RRM1: variants seen among roughly 807,000 people sequenced by gnomAD.
RRM1 encodes ribonucleoside-diphosphate reductase large subunit.
RRM1 carries 19 observed loss-of-function variants against 101.5 expected under a neutral mutation model. The observed-to-expected ratio is 0.19, with a 90% confidence interval of 0.13 to 0.27. RRM1 has a LOEUF of 0.27. Among genes scored for constraint, RRM1 ranks in the 10% least tolerant of loss-of-function variants. The pLI is 1.00. For synonymous variants in RRM1, 298 were observed against 323.4 expected (o/e 0.92, Z 0.84); for missense variants, 500 against 962.9 (o/e 0.52, Z 6.36).
chr11:4,127,969 CAG>C (rs1162589653), intron 14 of RRM1, among the ~76,000 whole-genome samples: 11 of 152,190 alleles, frequency 7.2e-5, no homozygotes, highest in Admixed American at 1.3e-4. Flanking sequence ...GTCTGAGACA[CAG>C]AGTTCTCTTC....
intron 1 of RRM1, among the ~76,000 whole-genome samples, chr11:4,095,531 C>G (rs1256849123): frequency 6.6e-6 from 1 of 152,162 alleles, no homozygotes; most frequent in African/African-American, 2.4e-5. Flanking sequence ...GCCTCTCTAC[C>G]CTCCGTAGGC....
chr11:4,095,040 G>A lies in RRM1; in HGVS notation c.19+9G>A. ...GCATGTGATCAAGCGAGGTGAGGGG[G>A]GGACGAGGTGGGCGAGAAGGAAGGT... On this transcript the variant is annotated intron_variant, in intron 1 of 18. Transcript: ENST00000300738. 4 of 1,568,470 alleles carry A rather than the reference G, an allele frequency of 2.6e-6. No homozygotes were observed. Among genetic ancestry groups the A allele is most frequent in the Non-Finnish European group, 3.5e-6 (4 of 1,156,976 alleles).
At chr11:4,118,220 C>CTTTTTTTTTTTTTTT (rs34182882) in intron 7 of RRM1, 100 bp from the exon 8 acceptor site, 1 of 842,592 alleles carries the variant, frequency 1.2e-6, no homozygotes, top group Non-Finnish European at 1.7e-6. Flanking sequence ...AACTTCAACT[C>CTTTTTTTTTTTTTTT]TTTTTTTTTT....
intron 12 of RRM1, 100 bp from the exon 13 acceptor site, chr11:4,126,584 A>G: frequency 9.3e-7 from 1 of 1,080,042 alleles, no homozygotes; most frequent in Non-Finnish European, 1.3e-6. Flanking sequence ...AAAATTTAAA[A>G]TTTTAATGTC....
chr11:4,101,555 CCA>C, intron 1 of RRM1, among the ~76,000 whole-genome samples: 1 of 31,154 alleles, frequency 3.2e-5, no homozygotes, highest in East Asian at 1.2e-3. Flanking sequence ...CTCCAGTGAT[CCA>C]CACCCCCCCC....
chr11:4,102,007 C>T lies in RRM1; in HGVS notation c.34C>T (p.Arg12Ter). 3 of 1,593,434 alleles carry T rather than the reference C, an allele frequency of 1.9e-6. No individual in the cohort carries two copies. The highest frequency in any genetic ancestry group is 1.7e-6 in the Non-Finnish European group (2 of 1,163,722). ...TGATTCTTTAGATGGCCGCCAAGAA[C>T]GAGTCATGTTTGACAAAATTACATC... is the stretch of plus-strand genomic sequence containing the variant. Reference protein sequence around the residue: ...HVIKRDGRQERVMFDKITSRI... With the variant: ...HVIKRDGRQE The change falls in exon 2 of 19, where the codon CGA (arginine) becomes TGA (stop). Residue 12 changes from arginine (R) to a stop codon, truncating the protein, a stop_gained. Coordinates refer to ENST00000300738, the MANE Select transcript of RRM1 (RefSeq NM_001033.5). LOFTEE classifies it high-confidence loss of function.
intron 7 of RRM1, among the ~76,000 whole-genome samples, chr11:4,115,665 T>A (rs756698390): frequency 1.3e-3 from 203 of 152,230 alleles, no homozygotes; most frequent in Non-Finnish European, 2.4e-3. Context: ...CAAGCAATTC[T>A]CCTGCCTCAG....
chr11:4,112,281 G>A (rs2094566634), intron 7 of RRM1, among the ~76,000 whole-genome samples: 1 of 152,164 alleles, frequency 6.6e-6, no homozygotes, highest in Non-Finnish European at 1.5e-5. Context: ...TTGTGGTGAT[G>A]GTTACACAAG....
At chr11:4,123,471 G>A in intron 12 of RRM1, 87 bp downstream of exon 12, 3 of 1,058,768 alleles carry the variant, frequency 2.8e-6, no homozygotes, top group Non-Finnish European at 4.4e-6. Flanking sequence ...TTTCACTTGA[G>A]ATAAGTGAAG....
intron 1 of RRM1, among the ~76,000 whole-genome samples, chr11:4,098,511 A>G (rs1181339566): frequency 6.6e-6 from 1 of 151,624 alleles, no homozygotes; most frequent in Non-Finnish European, 1.5e-5. Flanking sequence ...GATTGCAGTG[A>G]TGAGTAGGCA....
At chr11:4,122,016 T>C in intron 10 of RRM1, 125 bp from the exon 11 acceptor site, 1 of 789,854 alleles carries the variant, frequency 1.3e-6, no homozygotes, top group South Asian at 2.1e-5. Context: ...AACCTGAAAA[T>C]GATTATTTCT....
intron 7 of RRM1, among the ~76,000 whole-genome samples, chr11:4,113,374 AAAAAG>A (rs1304075230): frequency 2.0e-5 from 3 of 152,216 alleles, no homozygotes; most frequent in East Asian, 1.9e-4. Context: ...GTAAAATAAG[AAAAAG>A]AAAAGATTGG....
rs1010812256 is a variant in RRM1, at chr11:4,138,457, T to G, written c.*74T>G. The G allele has an allele frequency of 2.5e-6, 3 of 1,189,322 alleles. No individual in the cohort carries two copies. In the African/African-American group the frequency reaches 4.6e-5, roughly 18 times the overall value. 73.7% of individuals were successfully genotyped at this position (1,189,322 alleles called of 1,614,324 possible). Reference sequence around the variant, plus strand: ...TTGAGCATAGATAGGTATAGTGGGTTTGCTTGAGGTGGTAAGGCTTTGCTG... The same window carrying G: ...TTGAGCATAGATAGGTATAGTGGGTGTGCTTGAGGTGGTAAGGCTTTGCTG... On this transcript the variant is annotated 3_prime_UTR_variant, in exon 19 of 19. Coordinates refer to ENST00000300738, the MANE Select transcript of RRM1 (RefSeq NM_001033.5).
chr11:4,126,456 CTT>C (rs568781336), intron 12 of RRM1, among the ~76,000 whole-genome samples: 107 of 152,322 alleles, frequency 7.0e-4, no homozygotes, highest in African/African-American at 2.2e-3. Context: ...CTCTCTCTCT[CTT>C]ACCTATTTTG....
intron 15 of RRM1, among the ~76,000 whole-genome samples, chr11:4,130,463 AGGT>A (rs2094598216): frequency 6.6e-6 from 1 of 152,060 alleles, no homozygotes; most frequent in East Asian, 1.9e-4. Flanking sequence ...TGAGAGGCTG[AGGT>A]GGGTGGATCA....
chr11:4,104,259 G>A (rs2094555600), intron 2 of RRM1, among the ~76,000 whole-genome samples: 1 of 152,196 alleles, frequency 6.6e-6, no homozygotes, highest in Non-Finnish European at 1.5e-5. Flanking sequence ...CACCTTATCT[G>A]CTGGATCTGG....
At chr11:4,109,543 G>A (rs1350598877) in intron 4 of RRM1, 101 bp from the exon 5 acceptor site, 1 of 774,268 alleles carries the variant, frequency 1.3e-6, no homozygotes, top group Non-Finnish European at 2.1e-6. Flanking sequence ...ATTGTATCCT[G>A]TGTTGATTTT....
intron 18 of RRM1, among the ~76,000 whole-genome samples, chr11:4,136,383 C>G (rs1425564324): frequency 6.6e-6 from 1 of 151,728 alleles, no homozygotes; most frequent in Non-Finnish European, 1.5e-5. Flanking sequence ...ACACACCTGG[C>G]TAATTTTTGT....
intron 1 of RRM1, among the ~76,000 whole-genome samples, chr11:4,097,290 A>C (rs1422296580): frequency 4.6e-5 from 7 of 151,290 alleles, no homozygotes; most frequent in South Asian, 2.1e-4. Flanking sequence ...AAAAAAAAAA[A>C]AAAAAAAAAA....
Sources: gnomAD v4.1 joint callset for allele counts (sites outside exome capture counted in the v4.1 genomes callset) on GRCh38, gnomAD v4.1.1 for gene constraint, MANE v1.5 for transcripts, NCBI Gene and HGNC (gene_info 2026-07-23, HGNC 2026-07-21) for gene names.